SH2D6: variants seen among roughly 807,000 people sequenced by gnomAD.
SH2D6 encodes SH2 domain-containing protein 6.
Under a neutral mutation model 30.2 loss-of-function variants are expected in SH2D6, and 31 were observed. The ratio of observed to expected loss-of-function variants is 1.03; its 90% CI spans 0.77 to 1.38. The LOEUF is 1.38. Among genes scored for constraint, SH2D6 ranks in the 40% most tolerant of loss-of-function variants. The pLI is 0.00. For synonymous variants in SH2D6, 93 were observed against 104.6 expected, an observed-to-expected ratio of 0.89 and a Z score of 0.68; for missense variants, 240 against 266.8, an observed-to-expected ratio of 0.90 and a Z score of 0.70.
rs891474087 is a variant in SH2D6, at chr2:85,436,881, C to T, written c.*57C>T. Reference sequence around the variant, plus strand: ...GTTCACTAGGTCCTGGATGAAGGAACCGTGGTGGCCTAGACCAGTCAGGGG... The same window carrying T: ...GTTCACTAGGTCCTGGATGAAGGAATCGTGGTGGCCTAGACCAGTCAGGGG... On this transcript the variant is annotated 3_prime_UTR_variant, in exon 24 of 24. Coordinates refer to ENST00000469800, the MANE Select transcript of SH2D6 (RefSeq NM_001394463.1). 1.4e-5 allele frequency: 5 copies of T among 368,660 alleles called. No homozygotes were observed. Among genetic ancestry groups the T allele is most frequent in the South Asian group, 2.8e-5 (1 of 35,538 alleles). 22.8% of individuals were successfully genotyped at this position (368,660 alleles called of 1,614,324 possible).
In SH2D6 at chr2:85,418,809, A is replaced by ACTT. The variant is rs1687644565; in HGVS notation, c.-914_-913insCTT. On this transcript the variant is annotated 5_prime_UTR_variant, in exon 1 of 24. Transcript: ENST00000469800. The stretch of plus-strand genomic sequence containing the variant: ...GGTGGGGGCTACCCTGCTGGGGAAG[A>ACTT]GATGGCCTTCTCTCCTCGCAAACCC... 1 of 152,438 alleles carries ACTT rather than the reference A, an allele frequency of 6.6e-6. No individual in the cohort carries two copies. The highest frequency in any genetic ancestry group is 1.9e-4 in the East Asian group (1 of 5,190). 9.4% of individuals were successfully genotyped at this position (152,438 alleles called of 1,614,324 possible).
intron 6 of SH2D6, 26 bp downstream of exon 6, chr2:85,425,433 A>C (rs1208061181): frequency 6.6e-6 from 1 of 151,530 alleles, no homozygotes; most frequent in Non-Finnish European, 1.5e-5. Context: ...CCCGGCTAAT[A>C]GTTTTGTATT....
rs914494067 is a variant in SH2D6, at chr2:85,430,268, G to A, written c.65-96G>A. On this transcript the variant is annotated intron_variant, in intron 10 of 23. Transcript: ENST00000469800. This position sits in a 1 kb window ranked among gnomAD's most constrained non-coding sequence, Gnocchi z 4.3. The stretch of plus-strand genomic sequence containing the variant: ...TGGCAGCATTGGGAATGCCTGTGAT[G>A]AGTGGTTCCTTTGAGTTGAAGCACT... 1 of 152,612 alleles carries A rather than the reference G, an allele frequency of 6.6e-6. No homozygotes were observed. The highest frequency in any genetic ancestry group is 2.4e-5 in the African/African-American group (1 of 41,256). The allele number at this position is 152,612 out of a possible 1,614,324, so 9.5% of individuals were successfully genotyped here.
At chr2:85,420,351 C>T (rs1017547432) in intron 2 of SH2D6, among the ~76,000 whole-genome samples, 1 of 152,204 alleles carries the variant, frequency 6.6e-6, no homozygotes, top group Non-Finnish European at 1.5e-5. Context: ...AACTCCTGAC[C>T]TCAGGTGATC....
chr2:85,422,058 G>A (rs1687769401), intron 2 of SH2D6, 145 bp from the exon 3 acceptor site: 1 of 152,282 alleles, frequency 6.6e-6, no homozygotes, highest in Non-Finnish European at 1.5e-5. Flanking sequence ...AAGGGAGAGG[G>A]CTGGGCTCTG....
chr2:85,435,566 T>G (rs1573256214), intron 21 of SH2D6, 70 bp downstream of exon 21: 1 of 1,592,388 alleles, frequency 6.3e-7, no homozygotes, highest in Non-Finnish European at 8.6e-7. Context: ...GGCCGAGCAG[T>G]GGGGAGCAGG....
intron 6 of SH2D6, among the ~76,000 whole-genome samples, chr2:85,426,711 A>G (rs1168585924): frequency 6.6e-6 from 1 of 152,202 alleles, no homozygotes; most frequent in East Asian, 1.9e-4. Context: ...TTCATAATAA[A>G]CCAGTAAACA....
chr2:85,432,248 A>ATTTTT (rs36079023), intron 14 of SH2D6, among the ~76,000 whole-genome samples: 1 of 130,928 alleles, frequency 7.6e-6, no homozygotes, highest in Non-Finnish European at 1.7e-5. Context: ...GGCTGCTCTG[A>ATTTTT]TTTTTTTTTT....
Position 85,435,506 on chromosome 2 carries a change from C to T in SH2D6, c.732+10C>T, listed in dbSNP as rs1226430754. 1 of 1,612,648 alleles carries T rather than the reference C, an allele frequency of 6.2e-7. No individual in the cohort carries two copies. Among genetic ancestry groups the T allele is most frequent in the East Asian group, 2.2e-5 (1 of 44,876 alleles). ...GCTCCACTTACAAAAGGTGGGCAGC[C>T]ACGGACCCCGGGTCTTCTCCAAAAC... On this transcript the variant is annotated intron_variant, in intron 21 of 23. Coordinates refer to ENST00000469800, the MANE Select transcript of SH2D6 (RefSeq NM_001394463.1).
chr2:85,425,560 G>A (rs908014533), intron 6 of SH2D6, among the ~76,000 whole-genome samples, 153 bp downstream of exon 6: 6 of 152,092 alleles, frequency 3.9e-5, no homozygotes, highest in African/African-American at 4.8e-5. Context: ...GAGCCACCAC[G>A]CCCGGCCGGA....
chr2:85,425,053 GA>G (rs1687931330), intron 5 of SH2D6, among the ~76,000 whole-genome samples: 1 of 152,030 alleles, frequency 6.6e-6, no homozygotes, highest in Non-Finnish European at 1.5e-5. Flanking sequence ...GTGACAGAGC[GA>G]GACTCCATCT....
Position 85,434,469 on chromosome 2 carries a change from C to T in SH2D6, c.565-4C>T. 1.9e-6 allele frequency: 3 copies of T among 1,550,436 alleles called. No individual in the cohort carries two copies. Among genetic ancestry groups the T allele is most frequent in the Non-Finnish European group, 1.7e-6 (2 of 1,146,992 alleles). ...CTCTTCTGATCAGACCTCCTGTATG[C>T]CAGGGAACAGCAGATGCTGCCTCTA... On this transcript the variant is annotated splice_region_variant and splice_polypyrimidine_tract_variant and intron_variant, in intron 18 of 23. Transcript: ENST00000469800.
In SH2D6 at chr2:85,435,403, G is replaced by A. The variant is rs752945815; in HGVS notation, c.649-10G>A. ...CTGGCATGTTTCTGAGTGACTGTGT[G>A]TATGCACAGGACAGTGATCTGCTGA... is the stretch of plus-strand genomic sequence containing the variant. On this transcript the variant is annotated splice_polypyrimidine_tract_variant and intron_variant, in intron 20 of 23. Transcript: ENST00000469800. 3 of 1,612,878 alleles carry A rather than the reference G, an allele frequency of 1.9e-6. No individual in the cohort carries two copies. The highest frequency in any genetic ancestry group is 2.2e-5 in the East Asian group (1 of 44,894).
At chr2:85,419,790 A>T (rs1263752967) in intron 2 of SH2D6, among the ~76,000 whole-genome samples, 1 of 152,232 alleles carries the variant, frequency 6.6e-6, no homozygotes, top group East Asian at 1.9e-4. Context: ...GCTACTTCCT[A>T]GAAATATTTC....
rs1204836490 is a variant in SH2D6 at position 85,426,622 on chromosome 2, C to T, written c.-209+1215C>T. ...AGGCTCCTAGAGTGTGGTGTGCCCA[C>T]GGAGGGCATGGAGCCTCCACACCCT... On this transcript the variant is annotated intron_variant, in intron 6 of 23. Coordinates refer to ENST00000469800, the MANE Select transcript of SH2D6 (RefSeq NM_001394463.1). Among the ~76,000 whole-genome samples the T allele has an allele frequency of 8.5e-5, 13 of 152,330 alleles. No individual in the cohort carries two copies. In the East Asian group the frequency reaches 9.6e-4, roughly 11 times the overall value.
chr2:85,434,965 T>A (rs1268633647), intron 19 of SH2D6, 100 bp from the exon 20 acceptor site: 1 of 1,590,716 alleles, frequency 6.3e-7, no homozygotes, highest in Non-Finnish European at 8.5e-7. Context: ...CATGTACGCC[T>A]CCTCCTACCC....
At chr2:85,435,521 T>C (rs1413441608) in intron 21 of SH2D6, 25 bp downstream of exon 21, 4 of 1,610,290 alleles carry the variant, frequency 2.5e-6, no homozygotes, top group Non-Finnish European at 3.4e-6. Context: ...ACCCCGGGTC[T>C]TCTCCAAAAC....
Position 85,434,349 on chromosome 2 carries a change from A to C in SH2D6, c.543A>C (p.Thr181=). The C allele has an allele frequency of 6.5e-7, 1 of 1,548,446 alleles. No homozygotes were observed. Among genetic ancestry groups the C allele is most frequent in the South Asian group, 1.2e-5 (1 of 84,002 alleles). The change falls in exon 18 of 24, where the codon ACA becomes ACC. Residue 181 remains threonine (T), a synonymous_variant. Transcript: ENST00000469800. ...PRTSVVPRPT[T]APQETRNGTA... ...GATTTGCTTCCCACAGGCCTACCAC[A>C]GCCCCCCAGGAAACTCGGAATGTAA... is the stretch of plus-strand genomic sequence containing the variant.
Position 85,436,993 on chromosome 2 carries a change from G to A in SH2D6, c.*169G>A, listed in dbSNP as rs1471828002. On this transcript the variant is annotated 3_prime_UTR_variant, in exon 24 of 24. Transcript: ENST00000469800. The stretch of plus-strand genomic sequence containing the variant: ...ACCCTGAGAGGGACTGGCCTACCTT[G>A]CACAAGTTCACATTCAATAAACATT... The A allele has an allele frequency of 1.1e-5, 2 of 179,018 alleles. No individual in the cohort carries two copies. Among genetic ancestry groups the A allele is most frequent in the Non-Finnish European group, 2.4e-5 (2 of 84,622 alleles). The allele number at this position is 179,018 out of a possible 1,614,324, so 11.1% of individuals were successfully genotyped here. A position where few individuals can be genotyped will look rare whatever the true frequency, so the allele number is the denominator to read the frequency against.
Sources: allele counts gnomAD v4.1 joint callset (sites outside exome capture counted in the v4.1 genomes callset), GRCh38; gene constraint gnomAD v4.1.1; non-coding constraint Gnocchi (gnomAD v3.1); transcripts MANE v1.5; gene names NCBI Gene and HGNC (gene_info 2026-07-23, HGNC 2026-07-21).